Variants in CELF4 observed in about 807,000 individuals in gnomAD.
The protein encoded by CELF4 is CUG-BP- and ETR-3-like factor 4.
In CELF4, 18 loss-of-function variants were observed where a neutral mutation model predicts 59.9. The ratio of observed to expected loss-of-function variants is 0.30; its 90% confidence interval spans 0.21 to 0.45. The LOEUF is 0.45. CELF4 is among the 20% of genes least tolerant of loss of function. The probability of loss-of-function intolerance (pLI) is 1.00; values close to 1 mark genes in which losing one functional copy is unlikely to be tolerated. For synonymous variants in CELF4, 261 were observed against 267.1 expected (o/e 0.98, Z 0.22); for missense variants, 456 against 689.0 (o/e 0.66, Z 3.79).
intron 2 of CELF4, among the ~76,000 whole-genome samples, chr18:37,424,430 A>G (rs2099599450): frequency 6.6e-6 from 1 of 152,198 alleles, no homozygotes; most frequent in East Asian, 1.9e-4. Context: ...CAATACCCAG[A>G]GAGCAGAAGG....
At chr18:37,459,541 G>A (rs1162055533) in intron 2 of CELF4, among the ~76,000 whole-genome samples, 1 of 152,114 alleles carries the variant, frequency 6.6e-6, no homozygotes, top group Non-Finnish European at 1.5e-5. Context: ...GTGATGTGCT[G>A]GAAGTGGGAG....
chr18:37,307,688 C>T (rs2096484907), intron 3 of CELF4, among the ~76,000 whole-genome samples: 1 of 151,996 alleles, frequency 6.6e-6, no homozygotes, highest in African/African-American at 2.4e-5. Flanking sequence ...AGATGGGCCT[C>T]ATGGTACAAG....
chr18:37,484,380 AAAC>A (rs1349466153), intron 2 of CELF4, among the ~76,000 whole-genome samples: 6 of 152,330 alleles, frequency 3.9e-5, no homozygotes, highest in Admixed American at 1.3e-4. Flanking sequence ...GCAACTGAAA[AAAC>A]AACTGGGGAA....
intron 3 of CELF4, among the ~76,000 whole-genome samples, chr18:37,312,120 A>G (rs909150493): frequency 4.1e-5 from 5 of 121,286 alleles, no homozygotes; most frequent in South Asian, 6.0e-4. Context: ...CAAAAAAAAA[A>G]AAAAAAAAAA....
chr18:37,425,256 C>G (rs2099604679), intron 2 of CELF4, among the ~76,000 whole-genome samples: 1 of 152,236 alleles, frequency 6.6e-6, no homozygotes, highest in Non-Finnish European at 1.5e-5. Context: ...CGTGTGTGGG[C>G]TGATGACAGG....
intron 2 of CELF4, among the ~76,000 whole-genome samples, chr18:37,410,100 G>A (rs1343842286): frequency 6.6e-6 from 1 of 152,224 alleles, no homozygotes; most frequent in Non-Finnish European, 1.5e-5. Flanking sequence ...CCGTGCCGAT[G>A]TGTGTGAGGT....
At chr18:37,542,562 CT>C (rs1284231303) in intron 1 of CELF4, among the ~76,000 whole-genome samples, 1 of 152,226 alleles carries the variant, frequency 6.6e-6, no homozygotes, top group South Asian at 2.1e-4. Flanking sequence ...GGCAGTTAAA[CT>C]CTGTGCCTCT....
At chr18:37,274,987 A>G in intron 4 of CELF4, 103 bp from the exon 5 acceptor site, 1 of 1,538,528 alleles carries the variant, frequency 6.5e-7, no homozygotes, top group Admixed American at 1.8e-5. Context: ...TGAGGCAGAG[A>G]TTGAGAAAGA....
At position 37,254,444 on chromosome 18, in the gene CELF4, C is replaced by T. The variant is rs1417711201; in HGVS notation, c.1334-506G>A. 3.3e-5 allele frequency among the ~76,000 whole-genome samples: 5 copies of T among 151,984 alleles called. No homozygotes were observed. The highest frequency in any genetic ancestry group is 1.2e-4 in the African/African-American group (5 of 41,418). On this transcript the variant is annotated intron_variant, in intron 11 of 12. Transcript: ENST00000420428. The surrounding 1 kb of genome is among the most constrained non-coding windows in gnomAD (Gnocchi z 5.1). ...AGGCGCCGCCGAGAAACTTCTCCAC[C>T]GCCGGCCCGGCCGCCCCCCTCGCCA...
intron 3 of CELF4, among the ~76,000 whole-genome samples, chr18:37,278,519 C>T (rs1361182738): frequency 6.6e-6 from 1 of 152,208 alleles, no homozygotes; most frequent in East Asian, 1.9e-4. Flanking sequence ...CCCTCCCGCT[C>T]CCCTGCTCCA....
At chr18:37,423,665 C>G (rs758053374) in intron 2 of CELF4, among the ~76,000 whole-genome samples, 1 of 152,104 alleles carries the variant, frequency 6.6e-6, no homozygotes, top group Admixed American at 6.5e-5. Context: ...ATCCTGGTGA[C>G]AGCCATGGCC....
chr18:37,266,220 A>C (rs1202684146), intron 9 of CELF4: 1 of 502,368 alleles, frequency 2.0e-6, no homozygotes, highest in Non-Finnish European at 3.6e-6. Flanking sequence ...CTCCTGGGCA[A>C]AGTGGCCCTG....
At chr18:37,340,004 CTTA>C (rs2097937460) in intron 2 of CELF4, among the ~76,000 whole-genome samples, 1 of 152,146 alleles carries the variant, frequency 6.6e-6, no homozygotes, top group Admixed American at 6.5e-5. Flanking sequence ...CGCATTAATC[CTTA>C]TTAGCACGGC....
At chr18:37,517,608 C>T (rs1416511878) in intron 1 of CELF4, among the ~76,000 whole-genome samples, 1 of 152,182 alleles carries the variant, frequency 6.6e-6, no homozygotes, top group Admixed American at 6.5e-5. Flanking sequence ...GTCTAACATA[C>T]CTGTCTAACT....
chr18:37,472,953 C>T (rs555166798), intron 2 of CELF4, among the ~76,000 whole-genome samples: 1 of 152,244 alleles, frequency 6.6e-6, no homozygotes, highest in Non-Finnish European at 1.5e-5. Context: ...CCCCCCAGAA[C>T]TGATTTGGTC....
intron 2 of CELF4, among the ~76,000 whole-genome samples, chr18:37,444,995 G>A (rs867884007): frequency 6.6e-6 from 1 of 152,196 alleles, no homozygotes; most frequent in African/African-American, 2.4e-5. Context: ...AGCTTCAGGT[G>A]CAGACAGAGG....
At position 37,565,645 on chromosome 18, in the gene CELF4, G is replaced by A; in HGVS notation, c.-4C>T. The A allele has an allele frequency of 6.3e-7, 1 of 1,574,968 alleles. No individual in the cohort carries two copies. Among genetic ancestry groups the A allele is most frequent in the Non-Finnish European group, 8.6e-7 (1 of 1,159,862 alleles). On this transcript the variant is annotated 5_prime_UTR_variant, in exon 1 of 13. Transcript: ENST00000420428. Reference sequence around the variant, plus strand: ...ACGTGGCCATCTTTATATACATAGAGAAAATCTTCTTTCCTTTTATTCTTT... The same window carrying A: ...ACGTGGCCATCTTTATATACATAGAAAAAATCTTCTTTCCTTTTATTCTTT...
chr18:37,278,523 T>G (rs72900338), intron 3 of CELF4, among the ~76,000 whole-genome samples: 1 of 152,098 alleles, frequency 6.6e-6, no homozygotes, highest in South Asian at 2.1e-4. Context: ...CCCGCTCCCC[T>G]GCTCCACAAC....
At chr18:37,394,349 C>T (rs913428978) in intron 2 of CELF4, among the ~76,000 whole-genome samples, 34 of 152,342 alleles carry the variant, frequency 2.2e-4, no homozygotes, top group African/African-American at 8.2e-4. Flanking sequence ...CGTGCAGCCG[C>T]CGTGACCTTA....
Sources: allele counts gnomAD v4.1 joint callset (sites outside exome capture counted in the v4.1 genomes callset), GRCh38; gene constraint gnomAD v4.1.1; non-coding constraint Gnocchi (gnomAD v3.1); transcripts MANE v1.5; gene names NCBI Gene and HGNC (gene_info 2026-07-23, HGNC 2026-07-21).